GPC6: variants seen among roughly 807,000 people sequenced by gnomAD.
The protein encoded by GPC6 is glypican 6, also known as glypican-6.
GPC6 carries 14 observed loss-of-function variants against 55.2 expected under a neutral mutation model. That is an observed-to-expected ratio of 0.25 (90% CI 0.17 to 0.40). The LOEUF (loss-of-function observed/expected upper bound fraction) is 0.40, where lower values mean the gene tolerates loss of function less well. Among genes scored for constraint, GPC6 ranks in the 10% least tolerant of loss-of-function variants. GPC6 has a pLI of 1.00. For synonymous variants in GPC6, 278 were observed against 259.6 expected (o/e 1.07, Z -0.68); for missense variants, 641 against 708.5 (o/e 0.90, Z 1.08).
At chr13:93,270,333 T>G (rs1877476003) in intron 1 of GPC6, among the ~76,000 whole-genome samples, 1 of 152,042 alleles carries the variant, frequency 6.6e-6, no homozygotes, top group Admixed American at 6.6e-5. Context: ...TCTCACTTTT[T>G]CTGAGGTTTA....
chr13:93,537,955 A>C (rs1278366496), intron 1 of GPC6, among the ~76,000 whole-genome samples: 1 of 152,198 alleles, frequency 6.6e-6, no homozygotes, highest in Non-Finnish European at 1.5e-5. Context: ...AATCTCAAAA[A>C]ATATAATACA....
In GPC6 at chr13:93,413,220, T is replaced by C. The variant is rs570118330; in HGVS notation, c.161-132043T>C. ...GAAAACGTGTTTCTCTTTACACTTA[T>C]GGTGTCTCTAGCAGATGGTAAACTC... is the stretch of plus-strand genomic sequence containing the variant. On this transcript the variant is annotated intron_variant, in intron 1 of 8. Transcript: ENST00000377047. Among the ~76,000 whole-genome samples, 5 of 152,322 alleles carry C rather than the reference T, an allele frequency of 3.3e-5. No individual in the cohort carries two copies. In the East Asian group the frequency reaches 7.7e-4, roughly 24 times the overall value.
chr13:93,517,949 AT>A (rs1454279423), intron 1 of GPC6, among the ~76,000 whole-genome samples: 7 of 142,928 alleles, frequency 4.9e-5, no homozygotes, highest in African/African-American at 1.8e-4. Flanking sequence ...TTATAGTAAA[AT>A]TCAGGGAAGA....
At chr13:94,179,820 G>T (rs1250420033) in intron 4 of GPC6, among the ~76,000 whole-genome samples, 2 of 152,046 alleles carry the variant, frequency 1.3e-5, no homozygotes, top group African/African-American at 4.8e-5. Context: ...TTCTAACCAG[G>T]TCACTACTTT....
intron 2 of GPC6, among the ~76,000 whole-genome samples, chr13:93,711,183 C>G (rs970613945): frequency 2.0e-5 from 3 of 151,734 alleles, no homozygotes; most frequent in Non-Finnish European, 4.4e-5. Context: ...GACATTAAAA[C>G]TCTAACTAAA....
chr13:93,262,576 G>A (rs1256778581), intron 1 of GPC6, among the ~76,000 whole-genome samples: 1 of 152,140 alleles, frequency 6.6e-6, no homozygotes, highest in Non-Finnish European at 1.5e-5. Context: ...TCCAGTGATA[G>A]TTTATAGAAA....
chr13:94,246,797 A>C (rs1891210265), intron 4 of GPC6, among the ~76,000 whole-genome samples: 1 of 152,072 alleles, frequency 6.6e-6, no homozygotes, highest in Admixed American at 6.6e-5. Flanking sequence ...AGGAAGTGTG[A>C]TGCCTCCAAC....
intron 3 of GPC6, among the ~76,000 whole-genome samples, chr13:93,854,343 C>T (rs552008930): frequency 1.6e-4 from 24 of 151,654 alleles, no homozygotes; most frequent in South Asian, 4.2e-4. Flanking sequence ...ATTTTTTTCA[C>T]GATAGTAGTA....
chr13:93,912,412 C>T (rs908660372), intron 3 of GPC6, among the ~76,000 whole-genome samples: 2 of 152,086 alleles, frequency 1.3e-5, no homozygotes, highest in African/African-American at 2.4e-5. Context: ...TTTCCTACAG[C>T]GGCTGTACCA....
intron 3 of GPC6, among the ~76,000 whole-genome samples, chr13:93,927,517 C>T (rs1306399087): frequency 6.6e-6 from 1 of 151,994 alleles, no homozygotes; most frequent in East Asian, 1.9e-4. Flanking sequence ...TTCCTTATCC[C>T]TCTGTTTTGA....
At chr13:93,402,910 T>A (rs1183427241) in intron 1 of GPC6, among the ~76,000 whole-genome samples, 1 of 152,174 alleles carries the variant, frequency 6.6e-6, no homozygotes, top group East Asian at 1.9e-4. Context: ...TGTCTACTAA[T>A]GAGTATACAT....
At chr13:93,373,554 A>G (rs1874756708) in intron 1 of GPC6, among the ~76,000 whole-genome samples, 1 of 152,196 alleles carries the variant, frequency 6.6e-6, no homozygotes, top group African/African-American at 2.4e-5. Flanking sequence ...TGTATGTTGA[A>G]TCCTTGAGAA....
intron 4 of GPC6, among the ~76,000 whole-genome samples, chr13:94,106,732 T>C (rs897288012): frequency 6.6e-6 from 1 of 151,966 alleles, no homozygotes; most frequent in Non-Finnish European, 1.5e-5. Flanking sequence ...ACTGGAGAAG[T>C]TCACAAAAGA....
intron 4 of GPC6, among the ~76,000 whole-genome samples, chr13:94,165,977 A>G (rs1399956229): frequency 6.6e-6 from 1 of 152,054 alleles, no homozygotes; most frequent in African/African-American, 2.4e-5. Context: ...CAGGAAGAAA[A>G]TTTTTCATGT....
chr13:94,266,998 A>C (rs999926798), intron 4 of GPC6, among the ~76,000 whole-genome samples: 1 of 152,226 alleles, frequency 6.6e-6, no homozygotes, highest in Non-Finnish European at 1.5e-5. Flanking sequence ...TATTATGAGC[A>C]TTATATTTTT....
At chr13:93,778,845 G>A (rs971002195) in intron 2 of GPC6, among the ~76,000 whole-genome samples, 2 of 152,114 alleles carry the variant, frequency 1.3e-5, no homozygotes, top group Non-Finnish European at 2.9e-5. Context: ...TTTCTGGGTT[G>A]GCTGGATACA....
chr13:93,388,652 A>C (rs557161853), intron 1 of GPC6, among the ~76,000 whole-genome samples: 1 of 152,030 alleles, frequency 6.6e-6, no homozygotes, highest in East Asian at 1.9e-4. Context: ...TGCCCACCTG[A>C]CCTCTGTAAG....
intron 3 of GPC6, among the ~76,000 whole-genome samples, chr13:93,995,188 AT>A (rs1363194688): frequency 6.7e-6 from 1 of 150,204 alleles, no homozygotes; most frequent in African/African-American, 2.5e-5. Flanking sequence ...ATTTTATTTT[AT>A]TTTATTTTAT....
chr13:93,240,564 A>G (rs1025726010), intron 1 of GPC6, among the ~76,000 whole-genome samples: 5 of 152,072 alleles, frequency 3.3e-5, no homozygotes, highest in Non-Finnish European at 7.4e-5. Flanking sequence ...AAGGCAACAT[A>G]TACTTAGATT....
Sources: allele counts gnomAD v4.1 joint callset (sites outside exome capture counted in the v4.1 genomes callset), GRCh38; gene constraint gnomAD v4.1.1; transcripts MANE v1.5; gene names NCBI Gene and HGNC (gene_info 2026-07-23, HGNC 2026-07-21).